The following CAMK2G variants were observed in gnomAD, a reference collection of about 807,000 sequenced individuals.
CAMK2G encodes calcium/calmodulin-dependent protein kinase type II subunit gamma.
CAMK2G carries 23 observed loss-of-function variants against 88.7 expected under a neutral mutation model. That is an observed-to-expected ratio of 0.26 (90% CI 0.19 to 0.37). The LOEUF is 0.37. Among genes scored for constraint, CAMK2G ranks in the 10% least tolerant of loss-of-function variants. The pLI is 1.00. For synonymous variants in CAMK2G, 263 were observed against 294.8 expected (o/e 0.89, Z 1.11); for missense variants, 476 against 780.8 (o/e 0.61, Z 4.65).
rs1036813997 is a variant in CAMK2G at position 73,842,079 on chromosome 10, G to A, written c.946+90C>T. ...TGGTCAAGGTGTGGCCCAGGACGCC[G>A]AGGAAACCCAGCGGTGCCCGGGATG... is the stretch of plus-strand genomic sequence containing the variant. On this transcript the variant is annotated intron_variant, in intron 12 of 22. Coordinates refer to ENST00000423381, the MANE Select transcript of CAMK2G (RefSeq NM_001367534.1). The surrounding 1 kb of genome is among the most constrained non-coding windows in gnomAD (Gnocchi z 4.6). 3.2e-5 allele frequency: 33 copies of A among 1,045,452 alleles called. No homozygotes were observed. Among genetic ancestry groups the A allele is most frequent in the South Asian group, 2.1e-4 (17 of 79,476 alleles). The allele number at this position is 1,045,452 out of a possible 1,614,324, so 64.8% of individuals were successfully genotyped here.
At chr10:73,859,289 C>T (rs1035764282) in intron 3 of CAMK2G, among the ~76,000 whole-genome samples, 3 of 152,244 alleles carry the variant, frequency 2.0e-5, no homozygotes, top group Non-Finnish European at 2.9e-5. Flanking sequence ...GGGCAGCCAC[C>T]GCTCCTCACA....
chr10:73,859,096 G>A (rs762561428), intron 3 of CAMK2G, among the ~76,000 whole-genome samples: 6 of 152,238 alleles, frequency 3.9e-5, no homozygotes, highest in Non-Finnish European at 7.3e-5. Context: ...ATTGAGACCC[G>A]GGTCTGGAAC....
intron 4 of CAMK2G, chr10:73,852,825 G>A: frequency 3.6e-6 from 1 of 274,722 alleles, no homozygotes; most frequent in Non-Finnish European, 6.9e-6. Flanking sequence ...AATGGAGCCT[G>A]GTTTCCGACT....
intron 14 of CAMK2G, 103 bp from the exon 15 acceptor site, chr10:73,828,224 G>A: frequency 1.0e-6 from 1 of 964,084 alleles, no homozygotes; most frequent in African/African-American, 1.6e-5. Context: ...CTCTGCATCA[G>A]GGAGAAAAGA....
chr10:73,816,168 G>A, intron 21 of CAMK2G: 1 of 985,500 alleles, frequency 1.0e-6, no homozygotes, highest in Non-Finnish European at 1.2e-6. Flanking sequence ...AAGATGGGAG[G>A]GGGTGATGAT....
intron 12 of CAMK2G, among the ~76,000 whole-genome samples, chr10:73,840,045 C>T (rs1377568558): frequency 6.6e-6 from 1 of 152,176 alleles, no homozygotes; most frequent in Non-Finnish European, 1.5e-5. Context: ...AGCCCTCTCC[C>T]CTCTCTACAT....
rs1181371141 is a variant in CAMK2G at position 73,815,231 on chromosome 10, G to T, written c.1551C>A (p.Ser517Arg). 6.2e-7 allele frequency: 1 copy of T among 1,613,806 alleles called. No homozygotes were observed. Among genetic ancestry groups the T allele is most frequent in the African/African-American group, 1.3e-5 (1 of 74,934 alleles). The change falls in exon 22 of 23, where the codon AGC becomes AGA. Residue 517 changes from serine (S) to arginine (R), a missense_variant. Physicochemically the swap from Ser to Arg is moderately radical, Grantham distance 110 (BLOSUM62 -1). Coordinates refer to ENST00000423381, the MANE Select transcript of CAMK2G (RefSeq NM_001367534.1). ...FYFENLLSKN[S>R]KPIHTTILNP... ...TTAGGATGGTGGTATGGATAGGCTT[G>T]CTGTTCTTGGACAGGACTGCAGGGC...
intron 14 of CAMK2G, among the ~76,000 whole-genome samples, chr10:73,836,832 T>G (rs949470050): frequency 2.6e-5 from 4 of 152,156 alleles, no homozygotes; most frequent in African/African-American, 9.7e-5. Context: ...AAGCAGCCAT[T>G]CCCAGCAGGG....
intron 17 of CAMK2G, among the ~76,000 whole-genome samples, chr10:73,823,367 C>T (rs1035896689): frequency 6.6e-6 from 1 of 152,208 alleles, no homozygotes; most frequent in African/African-American, 2.4e-5. Context: ...AGGCACGCGC[C>T]ACCACACCTG....
chr10:73,861,636 G>A (rs771545497), intron 2 of CAMK2G, among the ~76,000 whole-genome samples: 7 of 152,120 alleles, frequency 4.6e-5, no homozygotes, highest in Admixed American at 4.6e-4. Context: ...GATTATAGGC[G>A]TGAGCCACCG....
chr10:73,842,372 G>T lies in CAMK2G; in HGVS notation c.903+86C>A. 8.3e-7 allele frequency: 1 copy of T among 1,204,314 alleles called. No individual in the cohort carries two copies. Among genetic ancestry groups the T allele is most frequent in the Non-Finnish European group, 1.2e-6 (1 of 807,024 alleles). 74.6% of individuals were successfully genotyped at this position (1,204,314 alleles called of 1,614,324 possible). ...TTCAGAGCCCAGCTCCAGCCAGGAG[G>T]GGAGCTTCCTTCTGAAATGGGGCAG... is the stretch of plus-strand genomic sequence containing the variant. On this transcript the variant is annotated intron_variant, in intron 11 of 22. Coordinates refer to ENST00000423381, the MANE Select transcript of CAMK2G (RefSeq NM_001367534.1). This position sits in a 1 kb window ranked among gnomAD's most constrained non-coding sequence, Gnocchi z 4.6.
intron 14 of CAMK2G, among the ~76,000 whole-genome samples, chr10:73,835,789 T>C (rs958840003): frequency 5.3e-5 from 8 of 152,130 alleles, no homozygotes; most frequent in Non-Finnish European, 8.8e-5. Flanking sequence ...CCCATACAAA[T>C]ATAATTTGTT....
intron 14 of CAMK2G, among the ~76,000 whole-genome samples, chr10:73,830,523 C>T (rs1221396021): frequency 6.6e-6 from 1 of 152,224 alleles, no homozygotes; most frequent in Non-Finnish European, 1.5e-5. Context: ...GAAAAGCGTT[C>T]AAACCTCTTT....
At position 73,813,952 on chromosome 10, in the gene CAMK2G, T is replaced by C. The variant is rs1054804034; in HGVS notation, c.*566A>G. 2 of 152,696 alleles carry C rather than the reference T, an allele frequency of 1.3e-5. No individual in the cohort carries two copies. Among genetic ancestry groups the C allele is most frequent in the Non-Finnish European group, 2.9e-5 (2 of 68,074 alleles). 9.5% of individuals were successfully genotyped at this position (152,696 alleles called of 1,614,324 possible). A position where few individuals can be genotyped will look rare whatever the true frequency, so the allele number is the denominator to read the frequency against. Reference sequence around the variant, plus strand: ...TGGGAGCTCTGCGTTCTCTCCCAAGTAGGTCTGATGGTCACGATGTTCTCA... The same window carrying C: ...TGGGAGCTCTGCGTTCTCTCCCAAGCAGGTCTGATGGTCACGATGTTCTCA... On this transcript the variant is annotated 3_prime_UTR_variant, in exon 23 of 23. Transcript: ENST00000423381.
At chr10:73,844,683 CAGGTGTG>C (rs1251544393) in intron 10 of CAMK2G, among the ~76,000 whole-genome samples, 1 of 152,208 alleles carries the variant, frequency 6.6e-6, no homozygotes, top group Non-Finnish European at 1.5e-5. Flanking sequence ...GCTGGGATTA[CAGGTGTG>C]AGCCTTACAT....
intron 3 of CAMK2G, among the ~76,000 whole-genome samples, chr10:73,857,219 G>C (rs929862279): frequency 6.6e-6 from 1 of 152,206 alleles, no homozygotes; most frequent in Non-Finnish European, 1.5e-5. Flanking sequence ...AATAACTTGT[G>C]AACTGAGTCG....
chr10:73,853,427 G>A (rs1005086367), intron 3 of CAMK2G, among the ~76,000 whole-genome samples, 181 bp from the exon 4 acceptor site: 1 of 152,238 alleles, frequency 6.6e-6, no homozygotes, highest in Admixed American at 6.5e-5. Flanking sequence ...CAGCCTGGGA[G>A]CCAGAGCCTG....
intron 14 of CAMK2G, among the ~76,000 whole-genome samples, chr10:73,833,994 C>T (rs1361496503): frequency 7.1e-6 from 1 of 139,878 alleles, no homozygotes; most frequent in Non-Finnish European, 1.5e-5. Context: ...TCTCAGCTCA[C>T]TGCAAGCTCC....
intron 14 of CAMK2G, among the ~76,000 whole-genome samples, chr10:73,829,472 T>C (rs936888504): frequency 4.6e-5 from 7 of 151,798 alleles, no homozygotes; most frequent in Non-Finnish European, 7.4e-5. Flanking sequence ...TTTTTTTTTG[T>C]ATTTTTAGTA....
Sources: gnomAD v4.1 joint callset for allele counts (sites outside exome capture counted in the v4.1 genomes callset) on GRCh38, gnomAD v4.1.1 for gene constraint, Gnocchi (gnomAD v3.1) non-coding constraint, MANE v1.5 for transcripts, NCBI Gene and HGNC (gene_info 2026-07-23, HGNC 2026-07-21) for gene names.